The following SLA variants were observed in gnomAD, a reference collection of about 807,000 sequenced individuals.
The protein encoded by SLA is src-like-adapter.
SLA carries 16 observed loss-of-function variants against 30.3 expected under a neutral mutation model. The ratio of observed to expected loss-of-function variants is 0.53; its 90% CI spans 0.36 to 0.80. The LOEUF is 0.80. SLA is among the 30% of genes least tolerant of loss of function. The pLI is 0.01. For missense variants in SLA, 310 were observed against 345.2 expected, an observed-to-expected ratio of 0.90 and a Z score of 0.81; for synonymous variants, 143 against 137.8, an observed-to-expected ratio of 1.04 and a Z score of -0.26.
intron 1 of SLA, among the ~76,000 whole-genome samples, chr8:133,079,648 T>A (rs16904824): frequency 0.018 from 2,680 of 152,298 alleles, 79 homozygotes; most frequent in African/African-American, 0.061. Context: ...TGGTCCAGTA[T>A]GAGCAGATTT....
At chr8:133,072,538 T>C (rs1844225635) in intron 2 of SLA, among the ~76,000 whole-genome samples, 1 of 152,190 alleles carries the variant, frequency 6.6e-6, no homozygotes, top group Non-Finnish European at 1.5e-5. Flanking sequence ...AATGGTTTGG[T>C]CTGAAATATG....
chr8:133,095,850 T>C (rs765518101), intron 1 of SLA, among the ~76,000 whole-genome samples: 2 of 152,232 alleles, frequency 1.3e-5, no homozygotes, highest in Non-Finnish European at 2.9e-5. Flanking sequence ...AATTTGATCA[T>C]AGCTGGAGCT....
At chr8:133,081,888 T>C (rs942021128) in intron 1 of SLA, among the ~76,000 whole-genome samples, 1 of 152,180 alleles carries the variant, frequency 6.6e-6, no homozygotes, top group Non-Finnish European at 1.5e-5. Flanking sequence ...TGACGGATTG[T>C]CACACAGGCC....
chr8:133,075,720 C>T (rs1844766233), intron 1 of SLA, among the ~76,000 whole-genome samples: 1 of 152,084 alleles, frequency 6.6e-6, no homozygotes, highest in Non-Finnish European at 1.5e-5. Context: ...GTGGTTTCTG[C>T]CATAGAAGTA....
At chr8:133,078,671 C>T (rs1448192137) in intron 1 of SLA, among the ~76,000 whole-genome samples, 4 of 152,236 alleles carry the variant, frequency 2.6e-5, no homozygotes, top group Non-Finnish European at 5.9e-5. Flanking sequence ...CTAGGCCCTA[C>T]CCTCAAGGAG....
At chr8:133,074,329 T>C (rs527760040) in intron 2 of SLA, among the ~76,000 whole-genome samples, 1 of 152,270 alleles carries the variant, frequency 6.6e-6, no homozygotes, top group East Asian at 1.9e-4. Flanking sequence ...CCTGGCTCCA[T>C]GCACCTTTAG....
At chr8:133,099,335 C>A (rs932804802) in intron 1 of SLA, among the ~76,000 whole-genome samples, 8 of 152,212 alleles carry the variant, frequency 5.3e-5, no homozygotes, top group African/African-American at 1.7e-4. Context: ...AGCCACTGAG[C>A]AGCTTTTGTG....
At chr8:133,057,995 CA>C (rs1841770157) in intron 3 of SLA, among the ~76,000 whole-genome samples, 1 of 152,134 alleles carries the variant, frequency 6.6e-6, no homozygotes, top group African/African-American at 2.4e-5. Flanking sequence ...TCTAATTGCA[CA>C]TTGGCCTAAA....
intron 1 of SLA, among the ~76,000 whole-genome samples, chr8:133,082,593 G>A (rs1003791669): frequency 6.6e-6 from 1 of 152,162 alleles, no homozygotes; most frequent in Non-Finnish European, 1.5e-5. Context: ...TGAGCAATAA[G>A]GCCTTTGCGG....
chr8:133,071,655 G>C (rs1844056581), intron 2 of SLA, among the ~76,000 whole-genome samples: 1 of 152,020 alleles, frequency 6.6e-6, no homozygotes. Context: ...GGGAGGAGTG[G>C]GGGGAGGAGG....
intron 2 of SLA, among the ~76,000 whole-genome samples, chr8:133,072,178 G>A (rs1287524743): frequency 2.6e-5 from 4 of 152,200 alleles, no homozygotes; most frequent in Non-Finnish European, 5.9e-5. Context: ...TCTGCCTGGT[G>A]CTAAGGAGCG....
At chr8:133,056,932 C>A (rs1218243071) in intron 3 of SLA, among the ~76,000 whole-genome samples, 1 of 152,162 alleles carries the variant, frequency 6.6e-6, no homozygotes, top group African/African-American at 2.4e-5. Context: ...CCACCATCCC[C>A]AGGTTCTGAT....
intron 1 of SLA, among the ~76,000 whole-genome samples, chr8:133,093,940 A>G (rs921548238): frequency 6.6e-5 from 10 of 152,166 alleles, no homozygotes; most frequent in African/African-American, 1.7e-4. Context: ...GGAGCCCTCA[A>G]TCCACAGTGG....
intron 8 of SLA, 70 bp downstream of exon 8, chr8:133,039,928 T>G: frequency 6.6e-7 from 1 of 1,517,526 alleles, no homozygotes; most frequent in Non-Finnish European, 8.9e-7. Flanking sequence ...CGTTTTGTGC[T>G]CACATGTTCA....
At chr8:133,086,633 G>T (rs1006625138) in intron 1 of SLA, among the ~76,000 whole-genome samples, 2 of 152,164 alleles carry the variant, frequency 1.3e-5, no homozygotes, top group Non-Finnish European at 2.9e-5. Flanking sequence ...TAGTTATAAA[G>T]ATGTACATTG....
At chr8:133,064,576 C>T (rs1842810514) in intron 2 of SLA, among the ~76,000 whole-genome samples, 1 of 152,220 alleles carries the variant, frequency 6.6e-6, no homozygotes, top group Non-Finnish European at 1.5e-5. Flanking sequence ...GCTGTCTCTC[C>T]AGCGTAAGGA....
At chr8:133,069,757 T>G (rs950188522) in intron 2 of SLA, among the ~76,000 whole-genome samples, 4 of 151,704 alleles carry the variant, frequency 2.6e-5, no homozygotes, top group Non-Finnish European at 4.4e-5. Flanking sequence ...TCCCAGCACT[T>G]TAGGAGGCTG....
chr8:133,039,196 T>C (rs938207464), intron 8 of SLA, among the ~76,000 whole-genome samples: 4 of 152,212 alleles, frequency 2.6e-5, no homozygotes, highest in African/African-American at 9.6e-5. Flanking sequence ...ACTATTCTAG[T>C]TATTACCCTA....
intron 2 of SLA, among the ~76,000 whole-genome samples, chr8:133,068,706 A>G (rs920554572): frequency 5.3e-5 from 8 of 152,258 alleles, no homozygotes; most frequent in Admixed American, 6.5e-5. Context: ...TGGGCGTCTT[A>G]TGAAGAGCTG....
Sources: allele counts gnomAD v4.1 joint callset (sites outside exome capture counted in the v4.1 genomes callset), GRCh38; gene constraint gnomAD v4.1.1; transcripts MANE v1.5; gene names NCBI Gene and HGNC (gene_info 2026-07-23, HGNC 2026-07-21).